Variants in RBFOX2 observed in about 807,000 individuals in gnomAD.
RBFOX2 encodes the protein RNA binding protein fox-1 homolog 2.
RBFOX2 carries 10 observed loss-of-function variants against 49.1 expected under a neutral mutation model. The observed-to-expected ratio is 0.20, with a 90% CI of 0.13 to 0.35. The LOEUF (loss-of-function observed/expected upper bound fraction) is 0.35. Among genes scored for constraint, RBFOX2 ranks in the 10% least tolerant of loss-of-function variants. RBFOX2 has a pLI of 1.00. For synonymous variants in RBFOX2, 183 were observed against 187.4 expected (o/e 0.98, Z 0.19); for missense variants, 323 against 486.9 (o/e 0.66, Z 3.17).
At chr22:35,787,726 G>A (rs1946710769) in intron 2 of RBFOX2, among the ~76,000 whole-genome samples, 1 of 152,182 alleles carries the variant, frequency 6.6e-6, no homozygotes, top group South Asian at 2.1e-4. Context: ...GTCTACAACA[G>A]CACTGGTCTG....
At chr22:36,005,132 G>A (rs1020655398) in intron 1 of RBFOX2, among the ~76,000 whole-genome samples, 4 of 152,052 alleles carry the variant, frequency 2.6e-5, no homozygotes, top group Non-Finnish European at 4.4e-5. Flanking sequence ...TGATGTTTAC[G>A]GGGAAAAACA....
intron 1 of RBFOX2, among the ~76,000 whole-genome samples, chr22:36,004,562 G>A (rs1441780297): frequency 1.2e-4 from 18 of 152,106 alleles, no homozygotes; most frequent in East Asian, 1.2e-3. Context: ...TTGGGAGGCC[G>A]AGGTGGGTAG....
intron 1 of RBFOX2, among the ~76,000 whole-genome samples, chr22:35,838,261 TTTC>T (rs1414292351): frequency 2.9e-5 from 4 of 137,528 alleles, no homozygotes; most frequent in African/African-American, 1.4e-4. Flanking sequence ...CAGTATTTCT[TTTC>T]TTTTTTTTTT....
At chr22:35,853,207 T>C (rs2042136195) in intron 1 of RBFOX2, among the ~76,000 whole-genome samples, 2 of 149,606 alleles carry the variant, frequency 1.3e-5, no homozygotes, top group Admixed American at 1.3e-4. Flanking sequence ...GGTGGCAGAA[T>C]CATCTAAACC....
chr22:35,872,218 T>C (rs192967100), intron 1 of RBFOX2, among the ~76,000 whole-genome samples: 1 of 152,250 alleles, frequency 6.6e-6, no homozygotes, highest in Non-Finnish European at 1.5e-5. Context: ...TTGTTCCCCC[T>C]TGCTTCTTCA....
chr22:35,752,527 C>A (rs1042264839), intron 9 of RBFOX2: 1 of 767,816 alleles, frequency 1.3e-6, no homozygotes, highest in Non-Finnish European at 1.6e-6. Flanking sequence ...CCATCTCTAA[C>A]GTGGAGCTGG....
intron 1 of RBFOX2, among the ~76,000 whole-genome samples, chr22:35,990,211 C>G (rs1229743224): frequency 6.6e-6 from 1 of 151,954 alleles, no homozygotes; most frequent in Non-Finnish European, 1.5e-5. Context: ...AAAACACACA[C>G]AGAAATACTA....
At chr22:35,785,006 T>A (rs1406571852) in intron 2 of RBFOX2, among the ~76,000 whole-genome samples, 2 of 152,144 alleles carry the variant, frequency 1.3e-5, no homozygotes, top group East Asian at 1.9e-4. Flanking sequence ...TATTATTATT[T>A]TTTTCAATTG....
intron 1 of RBFOX2, among the ~76,000 whole-genome samples, chr22:35,924,790 C>G (rs930591683): frequency 6.6e-6 from 1 of 152,210 alleles, no homozygotes; most frequent in Non-Finnish European, 1.5e-5. Flanking sequence ...AACTAAGAAG[C>G]ATGAGAGAAC....
At chr22:35,974,007 T>G (rs532479273) in intron 1 of RBFOX2, among the ~76,000 whole-genome samples, 20 of 152,328 alleles carry the variant, frequency 1.3e-4, no homozygotes, top group Admixed American at 2.0e-4. Flanking sequence ...CATTTCCTCC[T>G]GGAACGTGGA....
At chr22:35,895,232 T>C (rs891217044) in intron 1 of RBFOX2, among the ~76,000 whole-genome samples, 13 of 152,154 alleles carry the variant, frequency 8.5e-5, no homozygotes, top group African/African-American at 2.4e-4. Flanking sequence ...ACAAAGATTA[T>C]TGCAAAAGAC....
At chr22:35,949,685 T>G (rs1161318851) in intron 1 of RBFOX2, among the ~76,000 whole-genome samples, 1 of 152,238 alleles carries the variant, frequency 6.6e-6, no homozygotes, top group Non-Finnish European at 1.5e-5. Flanking sequence ...CATCTTTTCA[T>G]GTGCTTATTG....
At chr22:35,929,858 G>C (rs2052150247) in intron 1 of RBFOX2, among the ~76,000 whole-genome samples, 1 of 152,048 alleles carries the variant, frequency 6.6e-6, no homozygotes, top group African/African-American at 2.4e-5. Flanking sequence ...ACTGGAGAGG[G>C]AGCAGGGAAT....
At chr22:35,941,272 C>A (rs569393770), upstream of RBFOX2, among the ~76,000 whole-genome samples, 12 of 152,234 alleles carry the variant, frequency 7.9e-5, no homozygotes, top group South Asian at 2.3e-3. Flanking sequence ...ACACACCATT[C>A]TCTACAAATT....
chr22:35,804,911 G>T (rs1435331478), intron 2 of RBFOX2, among the ~76,000 whole-genome samples: 2 of 152,088 alleles, frequency 1.3e-5, no homozygotes, highest in African/African-American at 4.8e-5. Context: ...ACTTGGAAAA[G>T]ACTTATCTGA....
chr22:35,848,021 A>T (rs2041440074), intron 1 of RBFOX2, among the ~76,000 whole-genome samples: 2 of 152,168 alleles, frequency 1.3e-5, no homozygotes, highest in Non-Finnish European at 2.9e-5. Flanking sequence ...TACATACTGT[A>T]ATTATTTTTT....
intron 1 of RBFOX2, chr22:35,996,215 C>A (rs1047823386): frequency 1.3e-5 from 2 of 152,168 alleles, no homozygotes; most frequent in African/African-American, 4.8e-5. Context: ...CTCCTGAGAT[C>A]ATTATCCAAT....
chr22:35,840,994 T>C (rs1196864380), upstream of RBFOX2, among the ~76,000 whole-genome samples: 1 of 152,112 alleles, frequency 6.6e-6, no homozygotes, highest in Non-Finnish European at 1.5e-5. Context: ...CAAACCAGCC[T>C]AGTGAGAGCA....
At chr22:35,949,704 T>C (rs530047542) in intron 1 of RBFOX2, among the ~76,000 whole-genome samples, 55 of 152,384 alleles carry the variant, frequency 3.6e-4, no homozygotes, top group African/African-American at 1.2e-3. Flanking sequence ...TGACCATTTG[T>C]ATACCTTCTT....
Sources: gnomAD v4.1 joint callset for allele counts (sites outside exome capture counted in the v4.1 genomes callset) on GRCh38, gnomAD v4.1.1 for gene constraint, MANE v1.5 for transcripts, NCBI Gene and HGNC (gene_info 2026-07-23, HGNC 2026-07-21) for gene names.